The following PXDNL variants were observed in gnomAD, a reference collection of about 807,000 sequenced individuals.
The protein encoded by PXDNL is probable oxidoreductase PXDNL.
In PXDNL, 145 loss-of-function variants were observed where a neutral mutation model predicts 150.8. The ratio of observed to expected loss-of-function variants is 0.96; its 90% CI spans 0.84 to 1.10. The LOEUF is 1.10. Ranked by LOEUF, PXDNL falls within the 50% of genes least tolerant of loss-of-function variation. The probability of loss-of-function intolerance (pLI) is 0.00; values close to 1 mark genes in which losing one functional copy is unlikely to be tolerated. For synonymous variants in PXDNL, 757 were observed against 725.7 expected, an observed-to-expected ratio of 1.04 and a Z score of -0.69; for missense variants, 2,087 against 1,873.9, an observed-to-expected ratio of 1.11 and a Z score of -2.10.
chr8:51,703,657 C>T (rs1263152621), intron 1 of PXDNL, among the ~76,000 whole-genome samples: 7 of 152,316 alleles, frequency 4.6e-5, no homozygotes, highest in Non-Finnish European at 7.3e-5. Flanking sequence ...CTATCAGAAA[C>T]TGTGGCCAGC....
chr8:51,456,901 C>T (rs1275490609), intron 9 of PXDNL, among the ~76,000 whole-genome samples: 1 of 152,232 alleles, frequency 6.6e-6, no homozygotes. Flanking sequence ...TCTCCTTACA[C>T]ATCATAAAAC....
At chr8:51,413,571 T>G (rs888129775) in intron 14 of PXDNL, among the ~76,000 whole-genome samples, 4 of 152,166 alleles carry the variant, frequency 2.6e-5, no homozygotes, top group Admixed American at 6.5e-5. Flanking sequence ...GTCAGCAATT[T>G]GTCATCTTGG....
intron 4 of PXDNL, among the ~76,000 whole-genome samples, chr8:51,532,883 C>T (rs1190271186): frequency 6.6e-6 from 1 of 151,724 alleles, no homozygotes; most frequent in East Asian, 1.9e-4. Flanking sequence ...ATGCCTATAC[C>T]CAAACATCTT....
In PXDNL at chr8:51,371,962, A is replaced by T. The variant is rs1563378844; in HGVS notation, c.3812T>A (p.Val1271Asp). The change falls in exon 19 of 23, where the codon GTC (valine) becomes GAC (aspartate). Residue 1271 changes from valine to aspartate, a missense_variant. Transcript: ENST00000356297. ...GDSIQQVQAD[V>D]FVKAEYPQDY... Reference sequence around the variant, plus strand: ...CTGTGGGTATTCTGCCTTTACAAAGACATCAGCCTGCACTTGCTGAATGCT... The same window carrying T: ...CTGTGGGTATTCTGCCTTTACAAAGTCATCAGCCTGCACTTGCTGAATGCT... 6.2e-7 allele frequency: 1 copy of T among 1,613,912 alleles called. No individual in the cohort carries two copies.
At chr8:51,794,110 G>A (rs867348469) in intron 1 of PXDNL, among the ~76,000 whole-genome samples, 8 of 152,038 alleles carry the variant, frequency 5.3e-5, no homozygotes, top group Non-Finnish European at 1.2e-4. Context: ...AGGCAGACAA[G>A]ATTAGAGAGA....
chr8:51,793,055 C>A (rs1467680107), intron 1 of PXDNL, among the ~76,000 whole-genome samples: 1 of 152,172 alleles, frequency 6.6e-6, no homozygotes, highest in Non-Finnish European at 1.5e-5. Context: ...CAGGGGTTGC[C>A]AGACACCTTA....
intron 1 of PXDNL, among the ~76,000 whole-genome samples, chr8:51,801,683 A>G (rs1021665137): frequency 6.6e-6 from 1 of 152,210 alleles, no homozygotes; most frequent in African/African-American, 2.4e-5. Context: ...AACAGTGTGC[A>G]CAAAGCCCAT....
chr8:51,548,348 G>A lies in PXDNL; in HGVS notation c.380+8492C>T, dbSNP rs1486883120. 3.9e-5 allele frequency among the ~76,000 whole-genome samples: 6 copies of A among 152,022 alleles called. No homozygotes were observed. The East Asian group carries it at 1.2e-3, about 29-fold the overall frequency. Reference sequence around the variant, plus strand: ...TACAAGAGGCTCAAAGAATACTCAGGAAATTTAACACAAAAAGATCATCAC... The same window carrying A: ...TACAAGAGGCTCAAAGAATACTCAGAAAATTTAACACAAAAAGATCATCAC... On this transcript the variant is annotated intron_variant, in intron 4 of 22. Transcript: ENST00000356297.
chr8:51,376,270 G>C (rs1807307292), intron 17 of PXDNL, among the ~76,000 whole-genome samples: 1 of 152,184 alleles, frequency 6.6e-6, no homozygotes, highest in South Asian at 2.1e-4. Flanking sequence ...GCCTGGAACA[G>C]ACAGGCATAT....
At chr8:51,761,687 C>T (rs1434741139) in intron 1 of PXDNL, among the ~76,000 whole-genome samples, 1 of 152,140 alleles carries the variant, frequency 6.6e-6, no homozygotes. Flanking sequence ...GATGACTGTA[C>T]TTACCTTATC....
intron 12 of PXDNL, among the ~76,000 whole-genome samples, chr8:51,437,718 C>A (rs1167085974): frequency 6.6e-6 from 1 of 152,042 alleles, no homozygotes; most frequent in Non-Finnish European, 1.5e-5. Context: ...TATGATAAAC[C>A]CACAACCAAC....
intron 5 of PXDNL, among the ~76,000 whole-genome samples, chr8:51,490,796 C>T (rs1374750169): frequency 6.6e-6 from 1 of 150,744 alleles, no homozygotes; most frequent in Non-Finnish European, 1.5e-5. Flanking sequence ...AAGATAAATC[C>T]TCATCTTCAG....
At chr8:51,382,513 T>C (rs572960424) in intron 17 of PXDNL, among the ~76,000 whole-genome samples, 1 of 152,356 alleles carries the variant, frequency 6.6e-6, no homozygotes, top group South Asian at 2.1e-4. Context: ...AAAATGAGAC[T>C]ATTGTCCTAA....
At chr8:51,415,767 A>G (rs1808783157) in intron 14 of PXDNL, among the ~76,000 whole-genome samples, 2 of 152,172 alleles carry the variant, frequency 1.3e-5, no homozygotes, top group African/African-American at 4.8e-5. Context: ...TGATCGAATT[A>G]AAATATATAA....
chr8:51,723,817 A>T (rs1328045681), intron 1 of PXDNL, among the ~76,000 whole-genome samples: 1 of 152,128 alleles, frequency 6.6e-6, no homozygotes, highest in Non-Finnish European at 1.5e-5. Context: ...TTGCCTTTAT[A>T]GAAAGTTTAC....
chr8:51,780,944 A>AGAG (rs2037409259), intron 1 of PXDNL, among the ~76,000 whole-genome samples: 1 of 151,716 alleles, frequency 6.6e-6, no homozygotes, highest in Non-Finnish European at 1.5e-5. Context: ...ACAGGTGTGA[A>AGAG]CCACTGCACC....
At chr8:51,392,011 CTTGT>C (rs2069377387) in intron 17 of PXDNL, among the ~76,000 whole-genome samples, 1 of 152,184 alleles carries the variant, frequency 6.6e-6, no homozygotes. Flanking sequence ...TTCCCCATTG[CTTGT>C]TTTTCTCAGG....
chr8:51,742,300 T>C (rs1175077003), intron 1 of PXDNL, among the ~76,000 whole-genome samples: 1 of 152,192 alleles, frequency 6.6e-6, no homozygotes, highest in Non-Finnish European at 1.5e-5. Context: ...GACGAAACTG[T>C]TATTTTGACT....
At chr8:51,543,655 TGA>T (rs1433253251) in intron 4 of PXDNL, among the ~76,000 whole-genome samples, 2 of 139,132 alleles carry the variant, frequency 1.4e-5, no homozygotes, top group Non-Finnish European at 3.0e-5. Flanking sequence ...GAGGTCACAG[TGA>T]GTCGAGATCA....
Sources: allele counts gnomAD v4.1 joint callset (sites outside exome capture counted in the v4.1 genomes callset), GRCh38; gene constraint gnomAD v4.1.1; transcripts MANE v1.5; gene names NCBI Gene and HGNC (gene_info 2026-07-23, HGNC 2026-07-21).